Variants in HIF3A observed in about 807,000 individuals in gnomAD.
The protein encoded by HIF3A is hypoxia-inducible factor 3-alpha.
Under a neutral mutation model 67.2 loss-of-function variants are expected in HIF3A, and 41 were observed. The ratio of observed to expected loss-of-function variants is 0.61; its 90% CI spans 0.48 to 0.79. The LOEUF (loss-of-function observed/expected upper bound fraction) is 0.79. Ranked by LOEUF, HIF3A falls within the 30% of genes least tolerant of loss-of-function variation. The pLI is 0.00. For synonymous variants in HIF3A, 356 were observed against 374.8 expected (o/e 0.95, Z 0.58); for missense variants, 855 against 898.0 (o/e 0.95, Z 0.61).
Position 46,341,499 on chromosome 19 carries a change from T to C in HIF3A, c.*1877T>C, listed in dbSNP as rs1243962652. 2 of 151,704 alleles carry C rather than the reference T, an allele frequency of 1.3e-5. No homozygotes were observed. The highest frequency in any genetic ancestry group is 2.4e-5 in the African/African-American group (1 of 41,230). 9.4% of individuals were successfully genotyped at this position (151,704 alleles called of 1,614,324 possible). On this transcript the variant is annotated 3_prime_UTR_variant, in exon 15 of 15. Transcript: ENST00000377670. Reference sequence around the variant, plus strand: ...ACAGGAGTGAGCCTGGCCAGACTTCTTAATTTCTAAATCACTTTTGTTTTA... The same window carrying C: ...ACAGGAGTGAGCCTGGCCAGACTTCCTAATTTCTAAATCACTTTTGTTTTA...
chr19:46,316,414 G>A (rs571241797), intron 8 of HIF3A, among the ~76,000 whole-genome samples: 31 of 149,154 alleles, frequency 2.1e-4, no homozygotes, highest in South Asian at 4.3e-4. Flanking sequence ...GGAAAATCAC[G>A]ATGGGGCTTT....
chr19:46,312,911 T>TG (rs1969587285), intron 8 of HIF3A: 1 of 680,594 alleles, frequency 1.5e-6, no homozygotes, highest in African/African-American at 2.6e-5. Flanking sequence ...TTTTTTTTTT[T>TG]GCGTGAACCT....
chr19:46,336,556 T>C (rs61366182), intron 14 of HIF3A, among the ~76,000 whole-genome samples: 6,899 of 152,168 alleles, frequency 0.045, 245 homozygotes, highest in African/African-American at 0.082. Context: ...TGCGTGTGTG[T>C]GTGTGTGTTT....
At chr19:46,332,260 G>A (rs1305888325) in intron 13 of HIF3A, among the ~76,000 whole-genome samples, 3 of 152,130 alleles carry the variant, frequency 2.0e-5, no homozygotes, top group East Asian at 1.9e-4. Flanking sequence ...AGGGCCGGGC[G>A]CTGTGGCTCA....
Position 46,303,988 on chromosome 19 carries a change from C to G in HIF3A, c.117C>G (p.His39Gln). The G allele has an allele frequency of 6.2e-7, 1 of 1,601,302 alleles. No homozygotes were observed. The highest frequency in any genetic ancestry group is 8.5e-7 in the Non-Finnish European group (1 of 1,174,716). The change falls in exon 2 of 15, where the codon CAC (histidine) becomes CAG (glutamine). Residue 39 changes from histidine to glutamine, a missense_variant. His to Gln is a conservative substitution (Grantham distance 24). This residue lies in a region of HIF3A where 638 missense variants were observed against 660.5 expected (regional missense o/e 0.97). Transcript: ENST00000377670. ...CCGAGGTGCTGTACCAGCTGGCTCA[C>G]ACGCTGCCCTTCGCCCGCGGCGTCA... is the stretch of plus-strand genomic sequence containing the variant. The part of the protein sequence containing the change: ...QETEVLYQLA[H>Q]TLPFARGVSA...
In HIF3A at chr19:46,325,594, C is replaced by A; in HGVS notation, c.1395C>A (p.Ser465=). The change falls in exon 11 of 15, where the codon TCC becomes TCA. Residue 465 remains serine (S), a synonymous_variant. Transcript: ENST00000377670. ...GTENVHRLFT[S]GKDTEAVETD... ...AGAATGTGCACAGACTCTTCACCTC[C>A]GGGAAAGACACTGAGGCAGTGGAGA... The A allele has an allele frequency of 1.2e-6, 2 of 1,613,400 alleles. No individual in the cohort carries two copies. The highest frequency in any genetic ancestry group is 1.7e-6 in the Non-Finnish European group (2 of 1,179,804).
At chr19:46,312,434 C>T (rs1440377628) in intron 7 of HIF3A, 72 bp from the exon 8 acceptor site, 1 of 1,599,296 alleles carries the variant, frequency 6.3e-7, no homozygotes. Context: ...CCCCCTCATA[C>T]CCAGTCCCCA....
intron 10 of HIF3A, 116 bp from the exon 11 acceptor site, chr19:46,325,419 G>T (rs1970709181): frequency 1.4e-6 from 1 of 713,924 alleles, no homozygotes; most frequent in Admixed American, 2.1e-5. Context: ...GACCCCCTTT[G>T]TGCCCCAGAT....
At chr19:46,334,726 T>C (rs187975379) in intron 13 of HIF3A, among the ~76,000 whole-genome samples, 179 bp from the exon 14 acceptor site, 1 of 152,238 alleles carries the variant, frequency 6.6e-6, no homozygotes, top group Non-Finnish European at 1.5e-5. Context: ...TTTTAAATTT[T>C]TGTAGAGATG....
At chr19:46,309,471 A>G (rs1282283694) in intron 6 of HIF3A, 112 bp downstream of exon 6, 7 of 633,336 alleles carry the variant, frequency 1.1e-5, no homozygotes, top group Admixed American at 3.1e-5. Context: ...CACTTCATCC[A>G]TCTCTCTCTC....
intron 3 of HIF3A, among the ~76,000 whole-genome samples, chr19:46,306,735 A>T (rs1460199576): frequency 2.0e-5 from 3 of 152,090 alleles, no homozygotes; most frequent in Non-Finnish European, 2.9e-5. Context: ...TGTTAGTGTG[A>T]GTGAGCTTTT....
At position 46,315,346 on chromosome 19, in the gene HIF3A, C is replaced by T. The variant is rs895600327; in HGVS notation, c.1025+2693C>T. Among the ~76,000 whole-genome samples, 7 of 147,014 alleles carry T rather than the reference C, an allele frequency of 4.8e-5. 1 individual carries two copies. Among genetic ancestry groups the T allele is most frequent in the Admixed American group, 4.3e-4 (6 of 13,816 alleles). ...CCTCCCAAAGTGCTGGAATTACAGG[C>T]GTGAGCCACCGCGCCCAGCCCATGT... On this transcript the variant is annotated intron_variant, in intron 8 of 14. Coordinates refer to ENST00000377670, the MANE Select transcript of HIF3A (RefSeq NM_152795.4).
chr19:46,312,080 C>T, intron 6 of HIF3A, 81 bp from the exon 7 acceptor site: 2 of 983,254 alleles, frequency 2.0e-6, no homozygotes, highest in Non-Finnish European at 3.3e-6. Flanking sequence ...GTTCCTGTGT[C>T]CTCTGCTGCT....
Position 46,297,536 on chromosome 19 carries a change from G to T in HIF3A, c.26+434G>T, listed in dbSNP as rs1406590629. 2.6e-5 allele frequency among the ~76,000 whole-genome samples: 4 copies of T among 152,062 alleles called. No individual in the cohort carries two copies. Among genetic ancestry groups the T allele is most frequent in the African/African-American group, 9.7e-5 (4 of 41,422 alleles). ...TGCCACCAGGTGCCTGGGATCCTAGGTGATATGGGATACCCCTAAATGGAG... is the reference window on the plus strand; with the variant it reads ...TGCCACCAGGTGCCTGGGATCCTAGTTGATATGGGATACCCCTAAATGGAG... On this transcript the variant is annotated intron_variant, in intron 1 of 14. Coordinates refer to ENST00000377670, the MANE Select transcript of HIF3A (RefSeq NM_152795.4). This position sits in a 1 kb window ranked among gnomAD's most constrained non-coding sequence, Gnocchi z 4.5.
In HIF3A at chr19:46,307,024, G is replaced by A. The variant is rs368360475; in HGVS notation, c.364-1197G>A. Among the ~76,000 whole-genome samples the A allele has an allele frequency of 2.6e-5, 4 of 152,060 alleles. No individual in the cohort carries two copies. The East Asian group carries it at 5.8e-4, about 22-fold the overall frequency. On this transcript the variant is annotated intron_variant, in intron 3 of 14. Transcript: ENST00000377670. ...ATGGAGTCTCATCTCGGGGCCTTGC[G>A]CTTACTATTCCCCTCTTTCTAGAAT...
intron 8 of HIF3A, chr19:46,313,457 C>A (rs895168011): frequency 4.5e-3 from 315 of 69,758 alleles, no homozygotes; most frequent in Middle Eastern, 0.02. Context: ...GACCCATTCT[C>A]AAAAAAAAAA....
At chr19:46,323,207 C>T (rs867110445) in intron 10 of HIF3A, among the ~76,000 whole-genome samples, 4 of 152,054 alleles carry the variant, frequency 2.6e-5, no homozygotes, top group South Asian at 2.1e-4. Flanking sequence ...CACACTACCA[C>T]GCCCAGTTAA....
At position 46,303,110 on chromosome 19, in the gene HIF3A, C is replaced by T. The variant is rs150626516; in HGVS notation, c.27-788C>T. 4.8e-3 allele frequency among the ~76,000 whole-genome samples: 731 copies of T among 152,242 alleles called. 9 individuals carry two copies. Among genetic ancestry groups the T allele is most frequent in the South Asian group, 0.027 (128 of 4,824 alleles). On this transcript the variant is annotated intron_variant, in intron 1 of 14. Transcript: ENST00000377670. ...CGGTGTCCTCATCTGTTCAATGGGA[C>T]GTTATCAACTTCCTTCTGGGTGGCC... is the stretch of plus-strand genomic sequence containing the variant.
rs77036191 is a variant in HIF3A, at chr19:46,331,011, G to A, written c.1713-145G>A. On this transcript the variant is annotated intron_variant, in intron 12 of 14. Coordinates refer to ENST00000377670, the MANE Select transcript of HIF3A (RefSeq NM_152795.4). ...GGATGAATGAGAAGATGGATTGGTG[G>A]ATGGATGGATGGACTGGTGGGTGTA... is the stretch of plus-strand genomic sequence containing the variant. The A allele has an allele frequency of 1.2e-3, 608 of 519,940 alleles. 7 individuals are homozygous for A. The highest frequency in any genetic ancestry group is 3.3e-4 in the Non-Finnish European group (97 of 290,504). 32.2% of individuals were successfully genotyped at this position (519,940 alleles called of 1,614,324 possible).
Sources: allele counts gnomAD v4.1 joint callset (sites outside exome capture counted in the v4.1 genomes callset), GRCh38; gene constraint gnomAD v4.1.1; regional missense constraint gnomAD v4.1.1; non-coding constraint Gnocchi (gnomAD v3.1); transcripts MANE v1.5; gene names NCBI Gene and HGNC (gene_info 2026-07-23, HGNC 2026-07-21).